Variants in SRBD1 observed in about 807,000 individuals in gnomAD.
SRBD1 encodes the protein S1 RNA binding domain 1.
SRBD1 carries 88 observed loss-of-function variants against 115.3 expected under a neutral mutation model. The ratio of observed to expected loss-of-function variants is 0.76; its 90% CI spans 0.64 to 0.91. The LOEUF (loss-of-function observed/expected upper bound fraction) is 0.91. SRBD1 is among the 40% of genes least tolerant of loss of function. SRBD1 has a pLI of 0.00. For synonymous variants in SRBD1, 509 were observed against 407.7 expected (o/e 1.25, Z -2.99); for missense variants, 1,385 against 1,177.4 (o/e 1.18, Z -2.58).
intron 18 of SRBD1, among the ~76,000 whole-genome samples, chr2:45,415,355 G>A (rs1283233482): frequency 1.4e-5 from 1 of 69,922 alleles, no homozygotes; most frequent in Non-Finnish European, 2.4e-5. Flanking sequence ...CATATAGTGT[G>A]TATATAGTAT....
At chr2:45,400,646 G>A (rs1667267784) in intron 19 of SRBD1, among the ~76,000 whole-genome samples, 1 of 150,748 alleles carries the variant, frequency 6.6e-6, no homozygotes, top group Non-Finnish European at 1.5e-5. Context: ...TTTCTTTTAT[G>A]GCTTAGCTTA....
chr2:45,427,216 C>G (rs1668181574), intron 16 of SRBD1, among the ~76,000 whole-genome samples: 1 of 151,196 alleles, frequency 6.6e-6, no homozygotes, highest in African/African-American at 2.4e-5. Flanking sequence ...AAAAACACCG[C>G]ACAAGAACTT....
intron 14 of SRBD1, among the ~76,000 whole-genome samples, chr2:45,533,355 G>A (rs1671671370): frequency 6.6e-6 from 1 of 151,976 alleles, no homozygotes; most frequent in African/African-American, 2.4e-5. Flanking sequence ...TACAGAGATG[G>A]TTACTAAAAG....
intron 14 of SRBD1, among the ~76,000 whole-genome samples, chr2:45,507,856 C>T (rs763920383): frequency 1.3e-5 from 2 of 152,066 alleles, no homozygotes; most frequent in African/African-American, 2.4e-5. Flanking sequence ...AATTGTTGGG[C>T]CTAATTTTTG....
chr2:45,537,100 G>C (rs1001905865), intron 14 of SRBD1, among the ~76,000 whole-genome samples: 1 of 152,066 alleles, frequency 6.6e-6, no homozygotes, highest in Admixed American at 6.6e-5. Flanking sequence ...TCACCAATGG[G>C]TTACAAGTTA....
At chr2:45,440,490 T>C (rs1447648578) in intron 16 of SRBD1, among the ~76,000 whole-genome samples, 1 of 152,160 alleles carries the variant, frequency 6.6e-6, no homozygotes, top group South Asian at 2.1e-4. Context: ...CATTAGTATA[T>C]CTGAACTGGA....
chr2:45,517,238 T>G (rs1009581472), intron 14 of SRBD1, among the ~76,000 whole-genome samples: 3 of 152,204 alleles, frequency 2.0e-5, no homozygotes, highest in Non-Finnish European at 4.4e-5. Context: ...CTATGTGTGT[T>G]TTATCTTTTA....
intron 12 of SRBD1, among the ~76,000 whole-genome samples, chr2:45,549,357 A>T (rs1672219607): frequency 6.6e-6 from 1 of 152,096 alleles, no homozygotes. Flanking sequence ...ATATACAGTG[A>T]GAACAACTTG....
At chr2:45,573,181 C>T in intron 9 of SRBD1, 26 bp downstream of exon 9, 2 of 1,559,368 alleles carry the variant, frequency 1.3e-6, no homozygotes, top group Non-Finnish European at 1.7e-6. Context: ...ACGAAATCAG[C>T]ATGCACATGC....
At chr2:45,430,565 T>C (rs533192504) in intron 16 of SRBD1, among the ~76,000 whole-genome samples, 26 of 152,282 alleles carry the variant, frequency 1.7e-4, no homozygotes, top group African/African-American at 5.8e-4. Flanking sequence ...ATTTAATAAA[T>C]GGTGTTGGGA....
intron 10 of SRBD1, among the ~76,000 whole-genome samples, chr2:45,554,744 C>T (rs1672418674): frequency 6.6e-6 from 1 of 152,140 alleles, no homozygotes. Flanking sequence ...GCTGGCAGCA[C>T]ATTCAGCATT....
rs1469594949 is a variant in SRBD1 at position 45,488,291 on chromosome 2, G to C, written c.1915C>G (p.Pro639Ala). The C allele has an allele frequency of 6.2e-7, 1 of 1,613,598 alleles. No homozygotes were observed. Among genetic ancestry groups the C allele is most frequent in the African/African-American group, 1.3e-5 (1 of 74,810 alleles). Residue 639 changes from proline to alanine, a missense_variant, in exon 15 of 21, where the codon CCT (proline) becomes GCT (alanine). Coordinates refer to ENST00000263736, the MANE Select transcript of SRBD1 (RefSeq NM_018079.5). ...CCTGGCATCTCTTTGTTAGCTTCAG[G>C]GCTGACACTGTAGATTGATGCTCCT... ...EAGASIYSVS[P>A]EANKEMPGLD...
intron 19 of SRBD1, among the ~76,000 whole-genome samples, chr2:45,394,261 A>C (rs1667082881): frequency 1.3e-5 from 2 of 152,174 alleles, no homozygotes; most frequent in Non-Finnish European, 1.5e-5. Flanking sequence ...TTCCTTTATA[A>C]TTCAGTAAGA....
intron 14 of SRBD1, 113 bp downstream of exon 14, chr2:45,546,619 T>C (rs1672127391): frequency 8.7e-6 from 9 of 1,032,058 alleles, no homozygotes; most frequent in Non-Finnish European, 1.3e-5. Flanking sequence ...CAAGAGGTGG[T>C]CTGGAGGGCA....
chr2:45,411,363 G>A (rs1667597412), intron 19 of SRBD1, among the ~76,000 whole-genome samples: 1 of 152,110 alleles, frequency 6.6e-6, no homozygotes, highest in Non-Finnish European at 1.5e-5. Flanking sequence ...ATAAGCTGTG[G>A]TATATTCACA....
chr2:45,413,890 C>CCACT (rs1667680874), intron 18 of SRBD1, among the ~76,000 whole-genome samples: 1 of 151,844 alleles, frequency 6.6e-6, no homozygotes, highest in African/African-American at 2.4e-5. Context: ...TGAGATCCTG[C>CCACT]CACTGCACTC....
intron 19 of SRBD1, among the ~76,000 whole-genome samples, chr2:45,402,033 C>T (rs1346949184): frequency 2.6e-5 from 4 of 152,042 alleles, no homozygotes; most frequent in Non-Finnish European, 5.9e-5. Context: ...CTGAGATATG[C>T]CCACTCATTA....
intron 14 of SRBD1, among the ~76,000 whole-genome samples, chr2:45,518,126 T>A (rs1202994923): frequency 6.6e-6 from 1 of 152,182 alleles, no homozygotes; most frequent in Non-Finnish European, 1.5e-5. Flanking sequence ...ATGGGTAACA[T>A]CCTAGATTAA....
intron 16 of SRBD1, among the ~76,000 whole-genome samples, chr2:45,445,736 T>A (rs149114043): frequency 4.5e-4 from 69 of 152,248 alleles, no homozygotes; most frequent in Non-Finnish European, 1.8e-4. Flanking sequence ...AAGAGTCATA[T>A]ATACTTTTCA....
Sources: allele counts gnomAD v4.1 joint callset (sites outside exome capture counted in the v4.1 genomes callset), GRCh38; gene constraint gnomAD v4.1.1; transcripts MANE v1.5; gene names NCBI Gene and HGNC (gene_info 2026-07-23, HGNC 2026-07-21).